Variants in KCND2 observed in about 807,000 individuals in gnomAD.
The protein encoded by KCND2 is A-type voltage-gated potassium channel KCND2.
In KCND2, 16 loss-of-function variants were observed where a neutral mutation model predicts 54.4. That is an observed-to-expected ratio of 0.29 (90% CI 0.20 to 0.45). KCND2 has a LOEUF of 0.45. Ranked by LOEUF, KCND2 falls within the 20% of genes least tolerant of loss-of-function variation. KCND2 has a pLI of 1.00. For synonymous variants in KCND2, 317 were observed against 310.7 expected, an observed-to-expected ratio of 1.02 and a Z score of -0.21; for missense variants, 486 against 824.2, an observed-to-expected ratio of 0.59 and a Z score of 5.02.
intron 1 of KCND2, among the ~76,000 whole-genome samples, chr7:120,658,328 C>T (rs1158326245): frequency 6.6e-6 from 1 of 152,126 alleles, no homozygotes; most frequent in Non-Finnish European, 1.5e-5. Flanking sequence ...GACCACCATG[C>T]AGAATAAGCC....
At chr7:120,578,116 AAAGAAGG>A (rs1562877958) in intron 1 of KCND2, among the ~76,000 whole-genome samples, 1 of 151,866 alleles carries the variant, frequency 6.6e-6, no homozygotes, top group Non-Finnish European at 1.5e-5. Context: ...AGGAAGAAGA[AAAGAAGG>A]AAGAAGGAAG....
intron 1 of KCND2, among the ~76,000 whole-genome samples, chr7:120,293,318 ATC>A (rs1401834324): frequency 6.6e-6 from 1 of 151,974 alleles, no homozygotes; most frequent in Non-Finnish European, 1.5e-5. Flanking sequence ...GTTTGTCCAG[ATC>A]ATTGTACCTG....
chr7:120,492,578 C>T (rs1487484827), intron 1 of KCND2, among the ~76,000 whole-genome samples: 1 of 152,044 alleles, frequency 6.6e-6, no homozygotes, highest in Non-Finnish European at 1.5e-5. Flanking sequence ...CTTTGTAGTT[C>T]ATAGATGGCA....
chr7:120,637,244 A>G (rs1202423444), intron 1 of KCND2, among the ~76,000 whole-genome samples: 1 of 152,092 alleles, frequency 6.6e-6, no homozygotes, highest in Non-Finnish European at 1.5e-5. Flanking sequence ...TCTGAAGGAG[A>G]GTAAAATTAA....
chr7:120,397,985 G>GTATATATATA (rs1187607878), intron 1 of KCND2, among the ~76,000 whole-genome samples: 1 of 36,910 alleles, frequency 2.7e-5, no homozygotes, highest in Non-Finnish European at 8.3e-5. Context: ...GTGTGTGTGT[G>GTATATATATA]TGTGTGTGTG....
chr7:120,737,384 G>A lies in KCND2; in HGVS notation c.1279-4150G>A, dbSNP rs551847112. ...TTACCCAGCTCCTAATTCCACCTAA[G>A]AATTTGGTCTTGGATGCTCTCCTAT... On this transcript the variant is annotated intron_variant, in intron 2 of 5. Coordinates refer to ENST00000331113, the MANE Select transcript of KCND2 (RefSeq NM_012281.3). 5.0e-4 allele frequency among the ~76,000 whole-genome samples: 76 copies of A among 152,084 alleles called. No individual in the cohort carries two copies. The Middle Eastern group carries it at 0.024, about 48-fold the overall frequency.
At chr7:120,315,765 AGTGTGTGTGTGTGTGTGT>A (rs59537613) in intron 1 of KCND2, among the ~76,000 whole-genome samples, 83 of 137,596 alleles carry the variant, frequency 6.0e-4, no homozygotes, top group East Asian at 6.0e-3. Context: ...TTCCATAAGC[AGTGTGTGTGTGTGTGTGT>A]GTGTGTGTGT....
At chr7:120,346,356 G>C (rs926213568) in intron 1 of KCND2, among the ~76,000 whole-genome samples, 1 of 152,108 alleles carries the variant, frequency 6.6e-6, no homozygotes, top group Admixed American at 6.5e-5. Context: ...ATCCATTACA[G>C]TATTTGAGAT....
chr7:120,546,671 G>T (rs1048451505), intron 1 of KCND2, among the ~76,000 whole-genome samples: 1 of 151,804 alleles, frequency 6.6e-6, no homozygotes, highest in Admixed American at 6.6e-5. Flanking sequence ...AAGATCTAAG[G>T]CCTTGGAAAT....
chr7:120,460,303 A>G (rs1240816905), intron 1 of KCND2, among the ~76,000 whole-genome samples: 2 of 152,308 alleles, frequency 1.3e-5, no homozygotes, highest in East Asian at 3.9e-4. Context: ...TTATCCCCAC[A>G]TTACAGTTTA....
intron 1 of KCND2, among the ~76,000 whole-genome samples, chr7:120,417,683 A>C (rs1201950040): frequency 6.6e-6 from 1 of 152,202 alleles, no homozygotes; most frequent in Non-Finnish European, 1.5e-5. Context: ...GAAAGAAAGC[A>C]ATCTGGTTTT....
intron 1 of KCND2, among the ~76,000 whole-genome samples, chr7:120,582,948 G>C (rs1222868296): frequency 5.3e-5 from 5 of 94,014 alleles, no homozygotes; most frequent in Admixed American, 4.9e-4. Context: ...TGCTCTGTGT[G>C]TGTGTATGTG....
At chr7:120,461,166 C>T (rs1455606706) in intron 1 of KCND2, among the ~76,000 whole-genome samples, 7 of 152,054 alleles carry the variant, frequency 4.6e-5, no homozygotes, top group Admixed American at 4.6e-4. Flanking sequence ...GCCCCGAGCA[C>T]CCAGCTTAAA....
At chr7:120,326,055 A>G (rs1001760018) in intron 1 of KCND2, among the ~76,000 whole-genome samples, 21 of 152,118 alleles carry the variant, frequency 1.4e-4, no homozygotes, top group Admixed American at 2.0e-4. Context: ...TTATAAATGA[A>G]AGTATTTTGG....
chr7:120,407,653 C>G (rs970843931), intron 1 of KCND2, among the ~76,000 whole-genome samples: 13 of 151,518 alleles, frequency 8.6e-5, no homozygotes, highest in Admixed American at 2.0e-4. Context: ...TGTTAACAGT[C>G]TGGTATGTAA....
chr7:120,298,779 C>T (rs1256803390), intron 1 of KCND2, among the ~76,000 whole-genome samples: 1 of 152,274 alleles, frequency 6.6e-6, no homozygotes, highest in Non-Finnish European at 1.5e-5. Flanking sequence ...AATATTTGAG[C>T]ACTACTATTA....
intron 1 of KCND2, among the ~76,000 whole-genome samples, chr7:120,327,550 C>G (rs1254174831): frequency 6.6e-6 from 1 of 152,006 alleles, no homozygotes; most frequent in Non-Finnish European, 1.5e-5. Context: ...ATTGCAGCAA[C>G]TAAAGAAATT....
chr7:120,378,599 C>T (rs756462495), intron 1 of KCND2, among the ~76,000 whole-genome samples: 5 of 151,848 alleles, frequency 3.3e-5, no homozygotes, highest in South Asian at 2.1e-4. Context: ...TTGAGATAAT[C>T]GGTATTATTA....
At chr7:120,716,016 A>AAT (rs10687567) in intron 1 of KCND2, among the ~76,000 whole-genome samples, 1 of 151,684 alleles carries the variant, frequency 6.6e-6, no homozygotes, top group Non-Finnish European at 1.5e-5. Context: ...TAGCTAAGAG[A>AAT]GTTTTTACTT....
Sources: allele counts gnomAD v4.1 joint callset (sites outside exome capture counted in the v4.1 genomes callset), GRCh38; gene constraint gnomAD v4.1.1; transcripts MANE v1.5; gene names NCBI Gene and HGNC (gene_info 2026-07-23, HGNC 2026-07-21).